Variants in NRCAM observed in about 807,000 individuals in gnomAD.
NRCAM encodes the protein neuronal cell adhesion molecule, also known as NgCAM-related cell adhesion molecule.
Under a neutral mutation model 156.5 loss-of-function variants are expected in NRCAM, and 83 were observed. The ratio of observed to expected loss-of-function variants is 0.53; its 90% confidence interval spans 0.44 to 0.64. NRCAM has a LOEUF of 0.64. Ranked by LOEUF, NRCAM falls within the 30% of genes least tolerant of loss-of-function variation. The pLI is 0.00. For missense variants in NRCAM, 1,417 were observed against 1,597.3 expected (o/e 0.89, Z 1.92); for synonymous variants, 538 against 563.9 (o/e 0.95, Z 0.65).
chr7:108,304,805 T>G (rs888968783), intron 3 of NRCAM, among the ~76,000 whole-genome samples: 2 of 152,208 alleles, frequency 1.3e-5, no homozygotes, highest in African/African-American at 4.8e-5. Context: ...CTTTCCATTA[T>G]GTACTCTTTG....
chr7:108,368,940 G>C (rs1270879514), intron 2 of NRCAM, among the ~76,000 whole-genome samples: 1 of 152,120 alleles, frequency 6.6e-6, no homozygotes, highest in Admixed American at 6.6e-5. Context: ...ATAGCATTAA[G>C]ATACTAAAAT....
At chr7:108,172,005 A>G (rs2058621757) in intron 28 of NRCAM, among the ~76,000 whole-genome samples, 1 of 152,196 alleles carries the variant, frequency 6.6e-6, no homozygotes, top group African/African-American at 2.4e-5. Flanking sequence ...CTCACTCCTA[A>G]TTGGTTGACC....
chr7:108,198,229 A>G, intron 13 of NRCAM, 130 bp from the exon 14 acceptor site: 2 of 609,028 alleles, frequency 3.3e-6, no homozygotes, highest in Non-Finnish European at 5.3e-6. Context: ...ACTAGAATTT[A>G]GGCAGAAACC....
At chr7:108,250,463 T>G (rs912705729) in intron 3 of NRCAM, among the ~76,000 whole-genome samples, 31 of 136,432 alleles carry the variant, frequency 2.3e-4, no homozygotes, top group Middle Eastern at 4.3e-3. Context: ...AAGAGAGAGA[T>G]CCTGTCATTT....
chr7:108,306,832 T>A (rs540010013), intron 3 of NRCAM, among the ~76,000 whole-genome samples: 1 of 152,320 alleles, frequency 6.6e-6, no homozygotes, highest in South Asian at 2.1e-4. Flanking sequence ...GTACCAAGTG[T>A]CTAATGGGCA....
intron 1 of NRCAM, among the ~76,000 whole-genome samples, chr7:108,434,541 TACACACACACACACACACAC>T (rs141756969): frequency 6.2e-4 from 88 of 141,240 alleles, no homozygotes; most frequent in African/African-American, 1.6e-3. Flanking sequence ...CAATGGAATG[TACACACACACACACACACAC>T]ACACACACAC....
chr7:108,153,049 A>G (rs545723024), intron 32 of NRCAM, among the ~76,000 whole-genome samples: 5 of 152,242 alleles, frequency 3.3e-5, no homozygotes, highest in Non-Finnish European at 7.4e-5. Flanking sequence ...CCATTTTGAG[A>G]TATTAAAGTT....
At chr7:108,380,670 T>A (rs1281112779) in intron 2 of NRCAM, among the ~76,000 whole-genome samples, 1 of 152,184 alleles carries the variant, frequency 6.6e-6, no homozygotes, top group East Asian at 1.9e-4. Context: ...AGTTTTCTTG[T>A]GTGATTGGTC....
At chr7:108,440,307 T>C (rs887935293) in intron 1 of NRCAM, among the ~76,000 whole-genome samples, 5 of 152,172 alleles carry the variant, frequency 3.3e-5, no homozygotes, top group Non-Finnish European at 5.9e-5. Context: ...CTTAATAAAG[T>C]TGTAAAATAT....
intron 29 of NRCAM, among the ~76,000 whole-genome samples, chr7:108,168,016 T>C (rs1188201047): frequency 1.3e-5 from 2 of 152,224 alleles, no homozygotes; most frequent in Non-Finnish European, 2.9e-5. Context: ...ACAGAACTAG[T>C]TTCAAGTACT....
chr7:108,254,885 T>C (rs1465446592), intron 3 of NRCAM, among the ~76,000 whole-genome samples: 7 of 152,254 alleles, frequency 4.6e-5, no homozygotes, highest in Admixed American at 4.6e-4. Context: ...TCACTTACCA[T>C]ACAATCCAGC....
rs974767853 is a variant in NRCAM, at chr7:108,159,478, G to A, written c.3662C>T (p.Thr1221Ile). The change falls in exon 32 of 33, where the codon ACA becomes ATA. Residue 1221 changes from threonine to isoleucine, a missense_variant. Thr to Ile is a moderately conservative substitution (Grantham distance 89). Transcript: ENST00000379028. Reference sequence around the variant, plus strand: ...AGGGGCTCACCTGTATTCTCCAAATGTCCCATCATCTTCCTTCATAGGCTG... The same window carrying A: ...AGGGGCTCACCTGTATTCTCCAAATATCCCATCATCTTCCTTCATAGGCTG... ...EIQPMKEDDGTFGEYSDAEDH... is the reference protein window; with the variant it reads ...EIQPMKEDDGIFGEYSDAEDH... The A allele has an allele frequency of 1.2e-6, 2 of 1,613,300 alleles. No individual in the cohort carries two copies. Among genetic ancestry groups the A allele is most frequent in the Middle Eastern group, 1.7e-4 (1 of 6,058 alleles).
At chr7:108,188,752 A>C (rs1332439530) in intron 20 of NRCAM, among the ~76,000 whole-genome samples, 1 of 75,912 alleles carries the variant, frequency 1.3e-5, no homozygotes, top group Admixed American at 2.0e-4. Flanking sequence ...TTGAACACTC[A>C]AGTAGGGAAA....
intron 30 of NRCAM, among the ~76,000 whole-genome samples, chr7:108,160,804 TTAAAG>T (rs1383485668): frequency 2.0e-5 from 3 of 152,156 alleles, no homozygotes; most frequent in African/African-American, 2.4e-5. Flanking sequence ...CCCAAACCAA[TTAAAG>T]TATTCACTGT....
At chr7:108,351,574 G>A (rs1264261678) in intron 2 of NRCAM, among the ~76,000 whole-genome samples, 1 of 152,150 alleles carries the variant, frequency 6.6e-6, no homozygotes, top group East Asian at 1.9e-4. Flanking sequence ...ATAGGCTTTG[G>A]GATTGGAGAA....
At chr7:108,431,282 T>C (rs1222266775) in intron 1 of NRCAM, among the ~76,000 whole-genome samples, 3 of 152,164 alleles carry the variant, frequency 2.0e-5, no homozygotes, top group Non-Finnish European at 4.4e-5. Context: ...CACTAGACCG[T>C]GCCACTTCCA....
intron 11 of NRCAM, among the ~76,000 whole-genome samples, chr7:108,215,490 C>T (rs560524116): frequency 6.1e-4 from 93 of 152,202 alleles, no homozygotes; most frequent in African/African-American, 2.0e-3. Context: ...GCTGGGATTA[C>T]AAGCATGAGC....
chr7:108,358,239 C>A (rs1055255630), intron 2 of NRCAM, among the ~76,000 whole-genome samples: 1 of 136,226 alleles, frequency 7.3e-6, no homozygotes, highest in Non-Finnish European at 1.6e-5. Flanking sequence ...GAAACCCCCT[C>A]TCTACAAAAA....
chr7:108,416,361 C>T (rs954106676), intron 1 of NRCAM, among the ~76,000 whole-genome samples: 12 of 152,096 alleles, frequency 7.9e-5, no homozygotes, highest in Admixed American at 5.9e-4. Flanking sequence ...TGGTTGACAA[C>T]GCTAGACAGA....
Sources: gnomAD v4.1 joint callset for allele counts (sites outside exome capture counted in the v4.1 genomes callset) on GRCh38, gnomAD v4.1.1 for gene constraint, MANE v1.5 for transcripts, NCBI Gene and HGNC (gene_info 2026-07-23, HGNC 2026-07-21) for gene names.